WNT6: variants seen among roughly 807,000 people sequenced by gnomAD.
WNT6 encodes the protein protein Wnt-6.
In WNT6, 27 loss-of-function variants were observed where a neutral mutation model predicts 33.1. The ratio of observed to expected loss-of-function variants is 0.82; its 90% confidence interval spans 0.60 to 1.12. WNT6 has a LOEUF of 1.12. Ranked by LOEUF, WNT6 falls within the 50% of genes most tolerant of loss-of-function variation. The probability of loss-of-function intolerance (pLI) is 0.00; values close to 1 mark genes in which losing one functional copy is unlikely to be tolerated. For missense variants in WNT6, 494 were observed against 535.3 expected, an observed-to-expected ratio of 0.92 and a Z score of 0.76; for synonymous variants, 249 against 242.8, an observed-to-expected ratio of 1.03 and a Z score of -0.24.
rs755234114 is a variant in WNT6, at chr2:218,871,768, C to T, written c.585C>T (p.Arg195=). ...LFMDARHKRG[R]GDIRALVQLH... is the part of the protein sequence containing the mutation. Reference sequence around the variant, plus strand: ...TGGACGCGCGGCACAAGCGGGGACGCGGAGACATCCGCGCGTTGGTGCAAC... The same window carrying T: ...TGGACGCGCGGCACAAGCGGGGACGTGGAGACATCCGCGCGTTGGTGCAAC... The change falls in exon 3 of 4, where the codon CGC becomes CGT. Residue 195 remains arginine, a synonymous_variant. Coordinates refer to ENST00000233948, the MANE Select transcript of WNT6 (RefSeq NM_006522.4). This position sits in a 1 kb window ranked among gnomAD's most constrained non-coding sequence, Gnocchi z 6.4. 3 of 1,601,576 alleles carry T rather than the reference C, an allele frequency of 1.9e-6. No homozygotes were observed. The highest frequency in any genetic ancestry group is 1.7e-5 in the Admixed American group (1 of 59,230).
At position 218,866,072 on chromosome 2, in the gene WNT6, G is replaced by A. The variant is rs914419932; in HGVS notation, c.81-4955G>A. ...ACAGAGCAGGACAGGACAGGCGGGC[G>A]GGCACAGGCCCGGCCCAGCCGCCTC... is the stretch of plus-strand genomic sequence containing the variant. On this transcript the variant is annotated intron_variant, in intron 1 of 3. Coordinates refer to ENST00000233948, the MANE Select transcript of WNT6 (RefSeq NM_006522.4). Among the ~76,000 whole-genome samples the A allele has an allele frequency of 7.0e-3, 25 of 3,596 alleles. No homozygotes were observed. The Admixed American group carries it at 0.09, about 13-fold the overall frequency. 2.4% of individuals were successfully genotyped at this position (3,596 alleles called of 152,430 possible). A position where few individuals can be genotyped will look rare whatever the true frequency, so the allele number is the denominator to read the frequency against.
At chr2:218,866,928 C>T (rs1361973173) in intron 1 of WNT6, among the ~76,000 whole-genome samples, 1 of 152,118 alleles carries the variant, frequency 6.6e-6, no homozygotes, top group Non-Finnish European at 1.5e-5. Flanking sequence ...CAGACGCCCC[C>T]AAATGAGAGG....
intron 1 of WNT6, among the ~76,000 whole-genome samples, chr2:218,860,926 C>T (rs1054778081): frequency 6.6e-6 from 1 of 151,960 alleles, no homozygotes; most frequent in Non-Finnish European, 1.5e-5. Flanking sequence ...GGGTGCCCGA[C>T]CGGGACGGCT....
intron 1 of WNT6, among the ~76,000 whole-genome samples, chr2:218,866,742 T>C (rs993218008): frequency 1.3e-5 from 2 of 152,152 alleles, no homozygotes; most frequent in African/African-American, 2.4e-5. Flanking sequence ...CTCAACATCA[T>C]AGAACAAGCA....
At position 218,862,582 on chromosome 2, in the gene WNT6, C is replaced by T. The variant is rs139490790; in HGVS notation, c.80+2465C>T. 3.3e-3 allele frequency among the ~76,000 whole-genome samples: 499 copies of T among 152,222 alleles called. 2 individuals are homozygous for T. Among genetic ancestry groups the T allele is most frequent in the African/African-American group, 0.011 (451 of 41,516 alleles). On this transcript the variant is annotated intron_variant, in intron 1 of 3. Transcript: ENST00000233948. ...TCACCAGGTTTCAACAAGGTTTCAC[C>T]GTGTTGGTCAGGCTGGTCTCAAACT...
At position 218,871,312 on chromosome 2, in the gene WNT6, G is replaced by A; in HGVS notation, c.301+65G>A. ...CCTGCTGTGGGACCCGAGGAGAGGA[G>A]AACTGGTTCGCTGAAGTTGCCTGAG... On this transcript the variant is annotated intron_variant, in intron 2 of 3. Coordinates refer to ENST00000233948, the MANE Select transcript of WNT6 (RefSeq NM_006522.4). The surrounding 1 kb of genome is among the most constrained non-coding windows in gnomAD (Gnocchi z 6.4). The A allele has an allele frequency of 6.5e-7, 1 of 1,547,740 alleles. No individual in the cohort carries two copies. Among genetic ancestry groups the A allele is most frequent in the Non-Finnish European group, 8.8e-7 (1 of 1,139,172 alleles).
intron 1 of WNT6, among the ~76,000 whole-genome samples, chr2:218,860,820 C>T (rs1944301408): frequency 6.6e-6 from 1 of 151,446 alleles, no homozygotes; most frequent in African/African-American, 2.4e-5. Context: ...GGGGCGTCTT[C>T]CCAGGCTTGG....
In WNT6 at chr2:218,871,809, C is replaced by A. The variant is rs1944404933; in HGVS notation, c.626C>A (p.Ala209Glu). 6.3e-7 allele frequency: 1 copy of A among 1,588,222 alleles called. No individual in the cohort carries two copies. The highest frequency in any genetic ancestry group is 8.6e-7 in the Non-Finnish European group (1 of 1,169,092). The change falls in exon 3 of 4, where the codon GCG becomes GAG. Residue 209 changes from alanine to glutamate, a missense_variant. Coordinates refer to ENST00000233948, the MANE Select transcript of WNT6 (RefSeq NM_006522.4). The surrounding 1 kb of genome is among the most constrained non-coding windows in gnomAD (Gnocchi z 6.4). Reference sequence around the variant, plus strand: ...TTGGTGCAACTGCACAACAACGAGGCGGGCAGGCTGGTGCGTACGGGCAGG... The same window carrying A: ...TTGGTGCAACTGCACAACAACGAGGAGGGCAGGCTGGTGCGTACGGGCAGG... ...RALVQLHNNE[A>E]GRLAVRSHTR...
chr2:218,863,891 CTG>C (rs746992691), intron 1 of WNT6, among the ~76,000 whole-genome samples: 36 of 152,284 alleles, frequency 2.4e-4, no homozygotes, highest in Non-Finnish European at 4.0e-4. Context: ...CCTAGCCTCT[CTG>C]TCTTTCTCTC....
chr2:218,863,678 G>A (rs1486596306), intron 1 of WNT6, among the ~76,000 whole-genome samples: 1 of 152,068 alleles, frequency 6.6e-6, no homozygotes, highest in Non-Finnish European at 1.5e-5. Flanking sequence ...GTGAAACCCT[G>A]TCTCTACTAA....
rs1001373465 is a variant in WNT6 at position 218,865,544 on chromosome 2, C to T, written c.80+5427C>T. The stretch of plus-strand genomic sequence containing the variant: ...TGAGGGCAGCAAGGTCACAGACAGG[C>T]GGTGAGAAGATGACTTGCCCCTGGC... On this transcript the variant is annotated intron_variant, in intron 1 of 3. Transcript: ENST00000233948. Among the ~76,000 whole-genome samples the T allele has an allele frequency of 9.9e-5, 15 of 152,182 alleles. 1 individual carries two copies. The highest frequency in any genetic ancestry group is 3.9e-4 in the East Asian group (2 of 5,178).
Position 218,873,756 on chromosome 2 carries a change from G to T in WNT6, c.1009G>T (p.Glu337Ter). ...RGHRQESVQL[E>*]ENCLCRFHWC... is the part of the protein sequence containing the mutation. ...GCACCGCCAGGAGAGCGTGCAGCTC[G>T]AAGAGAACTGCCTGTGCCGCTTCCA... Residue 337 changes from glutamate (E) to a stop codon, truncating the protein, a stop_gained, in exon 4 of 4, where the codon GAA becomes TAA. Coordinates refer to ENST00000233948, the MANE Select transcript of WNT6 (RefSeq NM_006522.4). LOFTEE classifies it high-confidence loss of function. The surrounding 1 kb of genome is among the most constrained non-coding windows in gnomAD (Gnocchi z 6.1). The T allele has an allele frequency of 1.3e-6, 2 of 1,585,186 alleles. No homozygotes were observed. Among genetic ancestry groups the T allele is most frequent in the Non-Finnish European group, 1.7e-6 (2 of 1,171,934 alleles).
chr2:218,874,033 C>A lies in WNT6; in HGVS notation c.*188C>A. The A allele has an allele frequency of 1.5e-6, 1 of 672,114 alleles. No homozygotes were observed. Among genetic ancestry groups the A allele is most frequent in the Non-Finnish European group, 2.3e-6 (1 of 435,608 alleles). The allele number at this position is 672,114 out of a possible 1,614,324, so 41.6% of individuals were successfully genotyped here. A position where few individuals can be genotyped will look rare whatever the true frequency, so the allele number is the denominator to read the frequency against. ...AACGCCCACCCACGAAGGCCCAGGG[C>A]GCCAGACGGCCCCGAAAAGGCGCTC... is the stretch of plus-strand genomic sequence containing the variant. On this transcript the variant is annotated 3_prime_UTR_variant, in exon 4 of 4. Coordinates refer to ENST00000233948, the MANE Select transcript of WNT6 (RefSeq NM_006522.4).
Position 218,873,135 on chromosome 2 carries a change from C to T in WNT6, c.637-249C>T, listed in dbSNP as rs577840820. 2.6e-5 allele frequency among the ~76,000 whole-genome samples: 4 copies of T among 152,200 alleles called. No individual in the cohort carries two copies. Among genetic ancestry groups the T allele is most frequent in the Non-Finnish European group, 5.9e-5 (4 of 68,004 alleles). ...CTGCCTTTGGACCCTGGAATCTCTG[C>T]GCTGCATATTGTCCCCGTCTCCCCT... On this transcript the variant is annotated intron_variant, in intron 3 of 3. Transcript: ENST00000233948. This position sits in a 1 kb window ranked among gnomAD's most constrained non-coding sequence, Gnocchi z 6.1.
Position 218,860,059 on chromosome 2 carries a change from C to T in WNT6, c.22C>T (p.Arg8Cys), listed in dbSNP as rs1424085664. ...CACGATGCTGCCGCCCTTACCCTCC[C>T]GCCTCGGGCTGCTGCTGCTGCTGCT... is the stretch of plus-strand genomic sequence containing the variant. Reference protein sequence around the residue: MLPPLPSRLGLLLLLLLC... With the variant: MLPPLPSCLGLLLLLLLC... The change falls in exon 1 of 4, where the codon CGC becomes TGC. Residue 8 changes from arginine (R) to cysteine (C), a missense_variant. Coordinates refer to ENST00000233948, the MANE Select transcript of WNT6 (RefSeq NM_006522.4). The T allele has an allele frequency of 6.6e-6, 10 of 1,519,868 alleles. No homozygotes were observed. In the South Asian group the frequency reaches 1.1e-4, roughly 17 times the overall value. The allele number at this position is 1,519,868 out of a possible 1,614,324, so 94.1% of individuals were successfully genotyped here. A position where few individuals can be genotyped will look rare whatever the true frequency, so the allele number is the denominator to read the frequency against.
chr2:218,862,439 C>T (rs1260156076), intron 1 of WNT6, among the ~76,000 whole-genome samples: 3 of 149,374 alleles, frequency 2.0e-5, no homozygotes, highest in Non-Finnish European at 4.5e-5. Flanking sequence ...TCTGTCTCCC[C>T]GGTTCAAGTG....
At chr2:218,872,510 C>A (rs1410578966) in intron 3 of WNT6, among the ~76,000 whole-genome samples, 1 of 152,112 alleles carries the variant, frequency 6.6e-6, no homozygotes, top group Non-Finnish European at 1.5e-5. Context: ...ACGAGGAGAG[C>A]CCCAGGAGCT....
chr2:218,871,705 C>G lies in WNT6; in HGVS notation c.522C>G (p.Asp174Glu). 6.3e-7 allele frequency: 1 copy of G among 1,584,504 alleles called. No individual in the cohort carries two copies. Residue 174 changes from aspartate to glutamate, a missense_variant, in exon 3 of 4, where the codon GAC becomes GAG. Physicochemically the swap from Asp to Glu is conservative, Grantham distance 45. Transcript: ENST00000233948. The surrounding 1 kb of genome is among the most constrained non-coding windows in gnomAD (Gnocchi z 6.4). The stretch of plus-strand genomic sequence containing the variant: ...CCTGGGAGTGGGGAGGCTGCGGCGA[C>G]GACGTGGACTTCGGGGACGAGAAGT... ...SAAWEWGGCG[D>E]DVDFGDEKSR... is the part of the protein sequence containing the mutation.
chr2:218,872,972 AGCC>A (rs1234237246), intron 3 of WNT6, among the ~76,000 whole-genome samples: 2,304 of 152,190 alleles, frequency 0.015, 57 homozygotes, highest in African/African-American at 0.052. Context: ...GTCTGTGCTC[AGCC>A]CGGCCTGGGG....
Sources: gnomAD v4.1 joint callset for allele counts (sites outside exome capture counted in the v4.1 genomes callset) on GRCh38, gnomAD v4.1.1 for gene constraint, Gnocchi (gnomAD v3.1) non-coding constraint, MANE v1.5 for transcripts, NCBI Gene and HGNC (gene_info 2026-07-23, HGNC 2026-07-21) for gene names.